The following ZMYND8 variants were observed in gnomAD, a reference collection of about 807,000 sequenced individuals.
ZMYND8 encodes MYND-type zinc finger-containing chromatin reader ZMYND8.
ZMYND8 carries 37 observed loss-of-function variants against 140.8 expected under a neutral mutation model. The ratio of observed to expected loss-of-function variants is 0.26; its 90% CI spans 0.20 to 0.35. The LOEUF (loss-of-function observed/expected upper bound fraction) is 0.35, where lower values mean the gene tolerates loss of function less well. ZMYND8 is among the 10% of genes least tolerant of loss of function. The pLI, the probability that ZMYND8 is intolerant of heterozygous loss-of-function variation, is 1.00. For synonymous variants in ZMYND8, 592 were observed against 597.1 expected, an observed-to-expected ratio of 0.99 and a Z score of 0.12; for missense variants, 1,068 against 1,570.0, an observed-to-expected ratio of 0.68 and a Z score of 5.40.
At chr20:47,220,606 C>A (rs2036810172) in intron 20 of ZMYND8, among the ~76,000 whole-genome samples, 1 of 151,878 alleles carries the variant, frequency 6.6e-6, no homozygotes, top group African/African-American at 2.4e-5. Flanking sequence ...CTAACAGAAC[C>A]CCCTCCAGAT....
chr20:47,211,888 G>A (rs1044303858), intron 22 of ZMYND8, among the ~76,000 whole-genome samples: 1 of 152,170 alleles, frequency 6.6e-6, no homozygotes. Context: ...GTAATCATGA[G>A]TTCTGGAAGA....
At chr20:47,350,471 T>TG (rs2082696230) in intron 1 of ZMYND8, among the ~76,000 whole-genome samples, 1 of 150,106 alleles carries the variant, frequency 6.7e-6, no homozygotes, top group African/African-American at 2.5e-5. Context: ...GTGTGTGTGT[T>TG]TTTTTTTGAT....
At chr20:47,324,095 G>A (rs371383694) in intron 2 of ZMYND8, among the ~76,000 whole-genome samples, 9 of 151,802 alleles carry the variant, frequency 5.9e-5, no homozygotes, top group East Asian at 1.9e-4. Flanking sequence ...CCAGCTGCTC[G>A]GGGGGCTAAG....
At chr20:47,222,385 A>C (rs889368159) in intron 19 of ZMYND8, among the ~76,000 whole-genome samples, 2 of 152,160 alleles carry the variant, frequency 1.3e-5, no homozygotes, top group Non-Finnish European at 2.9e-5. Context: ...AAACACAAAA[A>C]ATTAGCCAGG....
intron 7 of ZMYND8, among the ~76,000 whole-genome samples, chr20:47,288,568 A>C (rs2147940293): frequency 6.6e-6 from 1 of 151,700 alleles, no homozygotes; most frequent in Middle Eastern, 3.4e-3. Context: ...TAATTTTTGT[A>C]TTTTTAGTAG....
chr20:47,266,841 G>A (rs866069740), intron 11 of ZMYND8, among the ~76,000 whole-genome samples: 2 of 151,842 alleles, frequency 1.3e-5, no homozygotes, highest in African/African-American at 2.4e-5. Context: ...GGTGTGTGGT[G>A]TGTATAGACA....
intron 17 of ZMYND8, among the ~76,000 whole-genome samples, chr20:47,229,160 T>A (rs2038130004): frequency 6.6e-6 from 1 of 150,776 alleles, no homozygotes; most frequent in Non-Finnish European, 1.5e-5. Context: ...TTTTTTAAAA[T>A]TTTTGTAGAA....
chr20:47,309,409 G>A (rs943371995), intron 3 of ZMYND8, among the ~76,000 whole-genome samples: 2 of 151,986 alleles, frequency 1.3e-5, no homozygotes, highest in Admixed American at 6.6e-5. Flanking sequence ...GGGTTCAAGC[G>A]ATTCTCCTGC....
intron 11 of ZMYND8, among the ~76,000 whole-genome samples, chr20:47,269,601 C>A (rs554121039): frequency 6.6e-6 from 1 of 152,322 alleles, no homozygotes; most frequent in South Asian, 2.1e-4. Flanking sequence ...TGAAACACAT[C>A]ATTTATTATC....
chr20:47,346,751 C>T (rs1400806807), intron 2 of ZMYND8, among the ~76,000 whole-genome samples: 1 of 152,166 alleles, frequency 6.6e-6, no homozygotes, highest in East Asian at 1.9e-4. Context: ...GGATTACAGG[C>T]GCGTGCCACC....
At chr20:47,287,053 T>C (rs1329943910) in intron 8 of ZMYND8, among the ~76,000 whole-genome samples, 176 bp downstream of exon 8, 1 of 152,208 alleles carries the variant, frequency 6.6e-6, no homozygotes, top group East Asian at 1.9e-4. Context: ...GGGTGTTTTA[T>C]AATATACTCG....
intron 21 of ZMYND8, among the ~76,000 whole-genome samples, chr20:47,216,671 G>C (rs1049458397): frequency 6.6e-6 from 1 of 151,744 alleles, no homozygotes; most frequent in South Asian, 2.1e-4. Context: ...GCTGGGTGTG[G>C]TGGTGCACAC....
chr20:47,271,481 A>G (rs2075944563), intron 11 of ZMYND8, among the ~76,000 whole-genome samples: 1 of 152,242 alleles, frequency 6.6e-6, no homozygotes, highest in Admixed American at 6.5e-5. Context: ...GATGTGTAAC[A>G]GGTATGGAAA....
chr20:47,298,142 T>C lies in ZMYND8; in HGVS notation c.453+587A>G, dbSNP rs1454486921. 2 of 460,730 alleles carry C rather than the reference T, an allele frequency of 4.3e-6. No individual in the cohort carries two copies. Among genetic ancestry groups the C allele is most frequent in the Non-Finnish European group, 5.7e-6 (2 of 350,446 alleles). The allele number at this position is 460,730 out of a possible 1,614,324, so 28.5% of individuals were successfully genotyped here. A position where few individuals can be genotyped will look rare whatever the true frequency, so the allele number is the denominator to read the frequency against. ...ACAGCACTTTTCTTTTAATTCATTA[T>C]ATGGAACTTTATTTATTTTGGTTTT... On this transcript the variant is annotated intron_variant, in intron 4 of 22. Coordinates refer to ENST00000471951, the MANE Select transcript of ZMYND8 (RefSeq NM_001281775.3). The surrounding 1 kb of genome is among the most constrained non-coding windows in gnomAD (Gnocchi z 5.0).
chr20:47,313,316 C>CA (rs1216345956), intron 2 of ZMYND8, among the ~76,000 whole-genome samples: 9 of 151,558 alleles, frequency 5.9e-5, no homozygotes, highest in African/African-American at 2.2e-4. Context: ...CCCGCATCTA[C>CA]AAAAAATATA....
intron 2 of ZMYND8, among the ~76,000 whole-genome samples, chr20:47,345,202 G>A (rs1231717273): frequency 1.3e-5 from 2 of 152,058 alleles, no homozygotes; most frequent in Non-Finnish European, 2.9e-5. Context: ...CAGACTCCGT[G>A]GCCACCAAAA....
At chr20:47,221,957 G>A (rs1299511924) in intron 19 of ZMYND8, among the ~76,000 whole-genome samples, 2 of 151,872 alleles carry the variant, frequency 1.3e-5, no homozygotes, top group African/African-American at 2.4e-5. Context: ...TTGAGCCACC[G>A]TGCCTAGCCA....
intron 5 of ZMYND8, among the ~76,000 whole-genome samples, chr20:47,292,971 G>A (rs1316426753): frequency 6.6e-6 from 1 of 151,300 alleles, no homozygotes; most frequent in African/African-American, 2.4e-5. Context: ...GCTGAGGTGG[G>A]AGGATCGCCT....
At chr20:47,257,200 A>T (rs1461325226) in intron 12 of ZMYND8, among the ~76,000 whole-genome samples, 1 of 152,100 alleles carries the variant, frequency 6.6e-6, no homozygotes, top group Non-Finnish European at 1.5e-5. Flanking sequence ...TGAATTAGCA[A>T]CCTGGGCAAG....
Sources: allele counts gnomAD v4.1 joint callset (sites outside exome capture counted in the v4.1 genomes callset), GRCh38; gene constraint gnomAD v4.1.1; non-coding constraint Gnocchi (gnomAD v3.1); transcripts MANE v1.5; gene names NCBI Gene and HGNC (gene_info 2026-07-23, HGNC 2026-07-21).